TMC7: variants seen among roughly 807,000 people sequenced by gnomAD.
The protein encoded by TMC7 is transmembrane channel-like protein 7.
Under a neutral mutation model 82.9 loss-of-function variants are expected in TMC7, and 54 were observed. That is an observed-to-expected ratio of 0.65 (90% CI 0.52 to 0.82). The LOEUF is 0.82. Ranked by LOEUF, TMC7 falls within the 40% of genes least tolerant of loss-of-function variation. The probability of loss-of-function intolerance (pLI) is 0.00; values close to 1 mark genes in which losing one functional copy is unlikely to be tolerated. For missense variants in TMC7, 820 were observed against 901.2 expected, an observed-to-expected ratio of 0.91 and a Z score of 1.15; for synonymous variants, 350 against 337.9, an observed-to-expected ratio of 1.04 and a Z score of -0.39.
At position 18,988,771 on chromosome 16, in the gene TMC7, C is replaced by T. The variant is rs143803070; in HGVS notation, c.67+4641C>T. Among the ~76,000 whole-genome samples, 717 of 152,196 alleles carry T rather than the reference C, an allele frequency of 4.7e-3. 7 individuals are homozygous for T. Among genetic ancestry groups the T allele is most frequent in the African/African-American group, 0.017 (695 of 41,536 alleles). Reference sequence around the variant, plus strand: ...GTTGTTAGGAATTTATGTAGTTGGCCGGGCACAGTGCCTCACACCTGTAAT... The same window carrying T: ...GTTGTTAGGAATTTATGTAGTTGGCTGGGCACAGTGCCTCACACCTGTAAT... On this transcript the variant is annotated intron_variant, in intron 1 of 15. Transcript: ENST00000304381.
intron 1 of TMC7, among the ~76,000 whole-genome samples, chr16:18,992,024 C>A (rs1422806205): frequency 1.3e-5 from 2 of 152,152 alleles, no homozygotes; most frequent in African/African-American, 4.8e-5. Flanking sequence ...GGTTCTAAGT[C>A]TTTGCTATCG....
At chr16:19,056,784 T>G (rs73528948) in intron 14 of TMC7, 87 bp downstream of exon 14, 62,815 of 1,440,470 alleles carry the variant, frequency 0.044, 2,061 homozygotes, top group South Asian at 0.13. Flanking sequence ...CACCCTAGAC[T>G]TGACAAGTTA....
intron 2 of TMC7, 82 bp downstream of exon 2, chr16:19,009,497 AAG>A (rs2039299606): frequency 1.3e-6 from 2 of 1,491,342 alleles, no homozygotes; most frequent in South Asian, 1.4e-5. Flanking sequence ...GCATTTCCTG[AAG>A]AGCTCATATA....
intron 5 of TMC7, among the ~76,000 whole-genome samples, chr16:19,025,286 AT>A (rs955021973): frequency 2.0e-5 from 3 of 152,114 alleles, no homozygotes; most frequent in African/African-American, 7.2e-5. Context: ...AAGTATTTTT[AT>A]TTTTTCAGAA....
At chr16:19,048,632 G>T (rs752387189) in intron 12 of TMC7, among the ~76,000 whole-genome samples, 1 of 152,122 alleles carries the variant, frequency 6.6e-6, no homozygotes, top group Non-Finnish European at 1.5e-5. Context: ...TGTTGGTCAG[G>T]CTGGTCTTGA....
At chr16:19,060,162 A>G (rs543591197) in intron 15 of TMC7, among the ~76,000 whole-genome samples, 1 of 152,276 alleles carries the variant, frequency 6.6e-6, no homozygotes, top group South Asian at 2.1e-4. Flanking sequence ...GCTATCAGTT[A>G]CTGCAGATGC....
chr16:19,036,326 G>T (rs927836415), intron 7 of TMC7, among the ~76,000 whole-genome samples: 1 of 152,078 alleles, frequency 6.6e-6, no homozygotes, highest in Non-Finnish European at 1.5e-5. Context: ...TGGCTAACAC[G>T]GTGAAACCCC....
At chr16:19,047,628 C>G (rs960430787) in intron 12 of TMC7, among the ~76,000 whole-genome samples, 1 of 151,266 alleles carries the variant, frequency 6.6e-6, no homozygotes, top group African/African-American at 2.4e-5. Context: ...AACTTGTGAC[C>G]TCATGATCCA....
chr16:19,035,837 A>G lies in TMC7; in HGVS notation c.1005+14A>G. 6.4e-7 allele frequency: 1 copy of G among 1,558,338 alleles called. No individual in the cohort carries two copies. The highest frequency in any genetic ancestry group is 8.7e-7 in the Non-Finnish European group (1 of 1,153,248). On this transcript the variant is annotated intron_variant, in intron 7 of 15. Coordinates refer to ENST00000304381, the MANE Select transcript of TMC7 (RefSeq NM_024847.4). ...TACGAGCTCCGAGTGAGTGCTCCTGAGTTTGTCCGTGGTGGGGTCCTCACC... is the reference window on the plus strand; with the variant it reads ...TACGAGCTCCGAGTGAGTGCTCCTGGGTTTGTCCGTGGTGGGGTCCTCACC...
intron 1 of TMC7, among the ~76,000 whole-genome samples, chr16:19,003,417 GC>G (rs1263589251): frequency 1.5e-4 from 23 of 148,430 alleles, no homozygotes; most frequent in Admixed American, 6.6e-4. Context: ...GGGGGGGTCA[GC>G]CCCCCTGCCC....
intron 2 of TMC7, among the ~76,000 whole-genome samples, chr16:19,014,431 T>C (rs563607773): frequency 1.3e-5 from 2 of 152,190 alleles, no homozygotes; most frequent in African/African-American, 2.4e-5. Flanking sequence ...AGGAACCCAA[T>C]GCACAGCACT....
In TMC7 at chr16:19,047,138, C is replaced by A; in HGVS notation, c.1629C>A (p.Asn543Lys). 6.2e-7 allele frequency: 1 copy of A among 1,614,072 alleles called. No homozygotes were observed. Among genetic ancestry groups the A allele is most frequent in the South Asian group, 1.1e-5 (1 of 91,072 alleles). Reference protein sequence around the residue: ...WGQQEFAIPDNVLGIVYGQTI... With the variant: ...WGQQEFAIPDKVLGIVYGQTI... The stretch of plus-strand genomic sequence containing the variant: ...AGCAGGAGTTTGCCATTCCTGATAA[C>A]GTCCTGGGGATAGTTTACGGGCAAA... The change falls in exon 12 of 16, where the codon AAC becomes AAA. Residue 543 changes from asparagine (N) to lysine (K), a missense_variant. Around this residue, in one of 2 missense-constraint regions of TMC7, gnomAD observed 170 missense variants for 231.3 expected, o/e 0.74. Transcript: ENST00000304381.
At chr16:19,046,832 CA>C (rs34279699) in intron 11 of TMC7, among the ~76,000 whole-genome samples, 27,785 of 123,772 alleles carry the variant, frequency 0.22, 2,504 homozygotes, top group Admixed American at 0.25. Context: ...GACCTTGTCT[CA>C]AAAAAAAAAA....
At chr16:19,035,554 C>A in intron 6 of TMC7, 122 bp from the exon 7 acceptor site, 1 of 1,148,942 alleles carries the variant, frequency 8.7e-7, no homozygotes, top group Non-Finnish European at 1.3e-6. Context: ...CCAAACTTGA[C>A]CATGTCACAA....
At chr16:19,031,487 G>C (rs992744895) in intron 6 of TMC7, among the ~76,000 whole-genome samples, 5 of 152,114 alleles carry the variant, frequency 3.3e-5, no homozygotes, top group Non-Finnish European at 5.9e-5. Flanking sequence ...AAGGCACAAA[G>C]ACCCAAACAC....
At chr16:19,035,206 T>C (rs546789145) in intron 6 of TMC7, among the ~76,000 whole-genome samples, 107 of 152,276 alleles carry the variant, frequency 7.0e-4, no homozygotes, top group African/African-American at 2.5e-3. Flanking sequence ...TTCTCACTTA[T>C]TAGTGGGAGT....
At chr16:18,987,870 G>C (rs2038879960) in intron 1 of TMC7, among the ~76,000 whole-genome samples, 1 of 152,152 alleles carries the variant, frequency 6.6e-6, no homozygotes, top group South Asian at 2.1e-4. Flanking sequence ...AACCTGGAAG[G>C]GCCTTGATAT....
At chr16:19,059,837 CGTGGTG>C in intron 15 of TMC7, 1 of 621,758 alleles carries the variant, frequency 1.6e-6, no homozygotes, top group South Asian at 1.9e-5. Flanking sequence ...AGTAGTTGGG[CGTGGTG>C]GTGGGCACCT....
At chr16:19,000,061 C>T (rs887975348) in intron 1 of TMC7, among the ~76,000 whole-genome samples, 11 of 152,042 alleles carry the variant, frequency 7.2e-5, no homozygotes, top group African/African-American at 2.7e-4. Flanking sequence ...ACGAAGGCTG[C>T]GAGCCACCAC....
Sources: gnomAD v4.1 joint callset for allele counts (sites outside exome capture counted in the v4.1 genomes callset) on GRCh38, gnomAD v4.1.1 for gene constraint, gnomAD v4.1.1 regional missense constraint, MANE v1.5 for transcripts, NCBI Gene and HGNC (gene_info 2026-07-23, HGNC 2026-07-21) for gene names.